Variants in MLX observed in about 807,000 individuals in gnomAD.
The protein encoded by MLX is max-like protein X.
MLX carries 15 observed loss-of-function variants against 33.0 expected under a neutral mutation model. The ratio of observed to expected loss-of-function variants is 0.45; its 90% CI spans 0.30 to 0.70. MLX has a LOEUF of 0.70. MLX is among the 30% of genes least tolerant of loss of function. The pLI, the probability that MLX is intolerant of heterozygous loss-of-function variation, is 0.07. For synonymous variants in MLX, 115 were observed against 115.6 expected (o/e 0.99, Z 0.03); for missense variants, 285 against 306.3 (o/e 0.93, Z 0.52).
chr17:42,568,995 T>G, intron 4 of MLX, 52 bp downstream of exon 4: 13 of 1,548,330 alleles, frequency 8.4e-6, no homozygotes, highest in Non-Finnish European at 1.1e-5. Context: ...CTGCATAGTT[T>G]AGCTTCCCTG....
chr17:42,567,699 C>T (rs776177858), intron 2 of MLX, 44 bp downstream of exon 2: 4 of 1,613,442 alleles, frequency 2.5e-6, no homozygotes, highest in Non-Finnish European at 3.4e-6. Context: ...ACACTCCCGC[C>T]CAGGCTCTCT....
intron 3 of MLX, 69 bp from the exon 4 acceptor site, chr17:42,568,768 G>C (rs2093019299): frequency 7.2e-7 from 1 of 1,382,634 alleles, no homozygotes; most frequent in South Asian, 1.2e-5. Context: ...CCCAGCTGGG[G>C]AAAGGTGGGC....
chr17:42,573,041 C>T lies in MLX; in HGVS notation c.*1438C>T, dbSNP rs768588195. 6.2e-7 allele frequency: 1 copy of T among 1,614,094 alleles called. No individual in the cohort carries two copies. Among genetic ancestry groups the T allele is most frequent in the Non-Finnish European group, 8.5e-7 (1 of 1,180,044 alleles). ...AACTTCCTCCTGTGAGACAGGGAGA[C>T]AAGTGAATGAGATGTCACCAGGATA... is the stretch of plus-strand genomic sequence containing the variant. On this transcript the variant is annotated 3_prime_UTR_variant, in exon 8 of 8. Transcript: ENST00000435881.
intron 4 of MLX, 92 bp from the exon 5 acceptor site, chr17:42,569,112 G>A: frequency 7.3e-7 from 1 of 1,362,576 alleles, no homozygotes; most frequent in Non-Finnish European, 1.0e-6. Context: ...TTGAGTTTGT[G>A]AGCATAGAAC....
In MLX at chr17:42,572,561, C is replaced by G. The variant is rs778189545; in HGVS notation, c.*958C>G. 2 of 453,490 alleles carry G rather than the reference C, an allele frequency of 4.4e-6. No individual in the cohort carries two copies. The highest frequency in any genetic ancestry group is 6.9e-5 in the East Asian group (1 of 14,528). The allele number at this position is 453,490 out of a possible 1,614,324, so 28.1% of individuals were successfully genotyped here. A position where few individuals can be genotyped will look rare whatever the true frequency, so the allele number is the denominator to read the frequency against. On this transcript the variant is annotated 3_prime_UTR_variant, in exon 8 of 8. Transcript: ENST00000435881. Reference sequence around the variant, plus strand: ...AGTGAAGCCGTGGGCCCTCCAAATGCTCGTTTTATAGCAACCTCTCTCTAC... The same window carrying G: ...AGTGAAGCCGTGGGCCCTCCAAATGGTCGTTTTATAGCAACCTCTCTCTAC...
intron 2 of MLX, 27 bp downstream of exon 2, chr17:42,567,682 T>C (rs1567908192): frequency 6.2e-7 from 1 of 1,613,972 alleles, no homozygotes; most frequent in Non-Finnish European, 8.5e-7. Flanking sequence ...TCTTAAGCTC[T>C]AGAGGGACAC....
In MLX at chr17:42,571,425, C is replaced by A. The variant is rs555722517; in HGVS notation, c.679-122C>A. On this transcript the variant is annotated intron_variant, in intron 7 of 7. Transcript: ENST00000435881. The stretch of plus-strand genomic sequence containing the variant: ...TATAGGCGTGAGCCACCACACCTGG[C>A]CCCCGGGGGGCTATTTTTAAAGCAC... 94 of 1,055,510 alleles carry A rather than the reference C, an allele frequency of 8.9e-5. 1 individual carries two copies. The Middle Eastern group carries it at 1.0e-3, about 12-fold the overall frequency. 65.4% of individuals were successfully genotyped at this position (1,055,510 alleles called of 1,614,324 possible).
chr17:42,568,207 A>G (rs2143249150), intron 2 of MLX: 1 of 216,054 alleles, frequency 4.6e-6, no homozygotes, highest in East Asian at 1.2e-4. Flanking sequence ...TAAAAAATAC[A>G]AAAAAATTAG....
intron 1 of MLX, 149 bp downstream of exon 1, chr17:42,567,315 C>T (rs1240889169): frequency 1.4e-6 from 2 of 1,390,352 alleles, no homozygotes; most frequent in Non-Finnish European, 1.9e-6. Context: ...AGCTCTCACC[C>T]CGCGTGTGCC....
In MLX at chr17:42,569,914, AGTCCC is replaced by A. The variant is rs1197275697; in HGVS notation, c.477-64_477-60del. The stretch of plus-strand genomic sequence containing the variant: ...TGCCATTCCTGGGAGTACACAGGAT[AGTCCC>A]GTCATTCTTCTTGGGTGGGCGGAGC... On this transcript the variant is annotated intron_variant, in intron 6 of 7. Transcript: ENST00000435881. 2.2e-5 allele frequency: 32 copies of A among 1,438,708 alleles called. No homozygotes were observed. The East Asian group carries it at 6.6e-4, about 30-fold the overall frequency. The allele number at this position is 1,438,708 out of a possible 1,614,324, so 89.1% of individuals were successfully genotyped here. A position where few individuals can be genotyped will look rare whatever the true frequency, so the allele number is the denominator to read the frequency against.
chr17:42,567,146 C>A lies in MLX; in HGVS notation c.22C>A (p.Pro8Thr), dbSNP rs754191585. 32 of 1,267,054 alleles carry A rather than the reference C, an allele frequency of 2.5e-5. No homozygotes were observed. In the African/African-American group the frequency reaches 4.2e-4, roughly 16 times the overall value. 78.5% of individuals were successfully genotyped at this position (1,267,054 alleles called of 1,614,324 possible). Residue 8 changes from proline (P) to threonine (T), a missense_variant, in exon 1 of 8, where the codon CCC (proline) becomes ACC (threonine). By Grantham distance (38) the Pro-to-Thr change is conservative. Coordinates refer to ENST00000435881, the MANE Select transcript of MLX (RefSeq NM_198204.2). ...CAAGATGACGGAGCCGGGCGCCTCT[C>A]CCGAGGACCCTTGGGTCAAGGCAAG... is the stretch of plus-strand genomic sequence containing the variant. MTEPGAS[P>T]EDPWVKVEYA...
Position 42,567,255 on chromosome 17 carries a change from T to G in MLX, c.42+89T>G, listed in dbSNP as rs1313248506. On this transcript the variant is annotated intron_variant, in intron 1 of 7. Transcript: ENST00000435881. ...GCCGGAAGACGAGGGGCTTCCCTCC[T>G]GTCCCCAAAGTCCCCCACGCTCTCC... 3.1e-5 allele frequency: 41 copies of G among 1,336,508 alleles called. No individual in the cohort carries two copies. The highest frequency in any genetic ancestry group is 3.6e-5 in the Non-Finnish European group (37 of 1,037,128). 82.8% of individuals were successfully genotyped at this position (1,336,508 alleles called of 1,614,324 possible). A position where few individuals can be genotyped will look rare whatever the true frequency, so the allele number is the denominator to read the frequency against.
intron 1 of MLX, 160 bp downstream of exon 1, chr17:42,567,326 A>C: frequency 7.2e-7 from 1 of 1,393,980 alleles, no homozygotes; most frequent in African/African-American, 1.5e-5. Context: ...CGCGTGTGCC[A>C]AGGTGGGGAG....
Position 42,568,907 on chromosome 17 carries a change from C to T in MLX, c.240C>T (p.His80=). 6.2e-7 allele frequency: 1 copy of T among 1,611,304 alleles called. No individual in the cohort carries two copies. The highest frequency in any genetic ancestry group is 1.1e-5 in the South Asian group (1 of 90,600). Residue 80 remains histidine, a synonymous_variant, in exon 4 of 8, where the codon CAC becomes CAT. Transcript: ENST00000435881. ...ESYKDRRRRA[H]TQAEQKRRDA... ...ACAAAGACCGGCGGCGGCGCGCACA[C>T]ACTCAGGCTGAGCAGAAGAGGAGGG... is the stretch of plus-strand genomic sequence containing the variant.
Position 42,568,532 on chromosome 17 carries a change from A to T in MLX, c.142A>T (p.Thr48Ser). ...GTCCAGAGCTAATAGCATCGGTTCC[A>T]CCAGTGCCTCTTCTGTCCCCAACAC... is the stretch of plus-strand genomic sequence containing the variant. ...VVSRANSIGSTSASSVPNTDD... is the reference protein window; with the variant it reads ...VVSRANSIGSSSASSVPNTDD... The change falls in exon 3 of 8, where the codon ACC (threonine) becomes TCC (serine). Residue 48 changes from threonine (T) to serine (S), a missense_variant. Transcript: ENST00000435881. 6.2e-7 allele frequency: 1 copy of T among 1,613,702 alleles called. No homozygotes were observed. Among genetic ancestry groups the T allele is most frequent in the Non-Finnish European group, 8.5e-7 (1 of 1,179,818 alleles).
rs1219679980 is a variant in MLX at position 42,568,457 on chromosome 17, C to T, written c.80-13C>T. The T allele has an allele frequency of 6.2e-7, 1 of 1,610,808 alleles. No individual in the cohort carries two copies. The highest frequency in any genetic ancestry group is 8.5e-7 in the Non-Finnish European group (1 of 1,177,322). On this transcript the variant is annotated splice_polypyrimidine_tract_variant and intron_variant, in intron 2 of 7. Transcript: ENST00000435881. ...CACCCCACCCCTTAGTGATTGGGGC[C>T]TCTCTTTTCCAGGGCTTTTTGTAGA...
chr17:42,569,463 AG>A (rs1196990421), intron 5 of MLX, 43 bp from the exon 6 acceptor site: 1 of 1,561,910 alleles, frequency 6.4e-7, no homozygotes, highest in Admixed American at 1.7e-5. Flanking sequence ...TTCTTGGTTG[AG>A]AATACTTCTG....
intron 2 of MLX, 49 bp downstream of exon 2, chr17:42,567,704 C>T: frequency 6.2e-7 from 1 of 1,612,840 alleles, no homozygotes; most frequent in South Asian, 1.1e-5. Context: ...CCCGCCCAGG[C>T]TCTCTAGATT....
chr17:42,568,530 C>A lies in MLX; in HGVS notation c.140C>A (p.Ser47Tyr). ...SVVSRANSIG[S>Y]TSASSVPNTD... ...GTGTCCAGAGCTAATAGCATCGGTTCCACCAGTGCCTCTTCTGTCCCCAAC... is the reference window on the plus strand; with the variant it reads ...GTGTCCAGAGCTAATAGCATCGGTTACACCAGTGCCTCTTCTGTCCCCAAC... The change falls in exon 3 of 8, where the codon TCC becomes TAC. Residue 47 changes from serine (S) to tyrosine (Y), a missense_variant. Transcript: ENST00000435881. 1 of 1,613,852 alleles carries A rather than the reference C, an allele frequency of 6.2e-7. No individual in the cohort carries two copies. The highest frequency in any genetic ancestry group is 1.1e-5 in the South Asian group (1 of 91,056).
Sources: allele counts gnomAD v4.1 joint callset, GRCh38; gene constraint gnomAD v4.1.1; transcripts MANE v1.5; gene names NCBI Gene and HGNC (gene_info 2026-07-23, HGNC 2026-07-21).